The following ZNF83 variants were observed in gnomAD, a reference collection of about 807,000 sequenced individuals.
ZNF83 encodes zinc finger protein 83, also known as zinc finger protein 816B.
For synonymous variants in ZNF83, 209 were observed against 213.0 expected (o/e 0.98, Z 0.17); for missense variants, 552 against 629.9 (o/e 0.88, Z 1.32).
intron 3 of ZNF83, among the ~76,000 whole-genome samples, chr19:52,643,476 T>C (rs995924811): frequency 6.7e-6 from 1 of 149,490 alleles, no homozygotes; most frequent in Admixed American, 6.7e-5. Flanking sequence ...CTGAGGTGGG[T>C]GGATCAAGAG....
At chr19:52,620,248 GTATATC>G (rs2060487631) in intron 2 of ZNF83, among the ~76,000 whole-genome samples, 2 of 134,528 alleles carry the variant, frequency 1.5e-5, no homozygotes, top group African/African-American at 5.5e-5. Flanking sequence ...ATATGTGTGT[GTATATC>G]TGTGTGTGTA....
chr19:52,677,726 G>A (rs1465600006), intron 1 of ZNF83, among the ~76,000 whole-genome samples: 1 of 151,928 alleles, frequency 6.6e-6, no homozygotes, highest in Non-Finnish European at 1.5e-5. Flanking sequence ...TGAGTAGGTA[G>A]AGATCGGTTT....
intron 1 of ZNF83, chr19:52,637,221 C>T (rs1038230390): frequency 2.6e-5 from 4 of 152,444 alleles, no homozygotes; most frequent in Non-Finnish European, 5.9e-5. Flanking sequence ...TATATTTCCG[C>T]CTCTTCTCCC....
At chr19:52,624,560 G>C (rs1017483566) in intron 2 of ZNF83, among the ~76,000 whole-genome samples, 1 of 152,112 alleles carries the variant, frequency 6.6e-6, no homozygotes, top group Non-Finnish European at 1.5e-5. Context: ...TCGTCTTTCC[G>C]TTCCTTGAAG....
At chr19:52,687,291 A>C (rs905284905) in intron 1 of ZNF83, among the ~76,000 whole-genome samples, 2 of 144,598 alleles carry the variant, frequency 1.4e-5, no homozygotes, top group African/African-American at 5.1e-5. Context: ...GGATTTTGAG[A>C]CCAGCTTGGG....
exon 3 of ZNF83, chr19:52,613,417 CTGAATGCTT>C (rs1442977016): frequency 1.2e-6 from 2 of 1,613,704 alleles, no homozygotes; most frequent in Non-Finnish European, 1.7e-6. Context: ...TGAATTTTGA[CTGAATGCTT>C]TGTCACATTC....
At chr19:52,629,358 G>A (rs2060864347) in intron 2 of ZNF83, among the ~76,000 whole-genome samples, 1 of 151,944 alleles carries the variant, frequency 6.6e-6, no homozygotes, top group African/African-American at 2.4e-5. Context: ...TTTCCCTCCT[G>A]CCTGTTCCCT....
At chr19:52,623,256 CA>C (rs1435232223) in intron 2 of ZNF83, among the ~76,000 whole-genome samples, 2 of 152,170 alleles carry the variant, frequency 1.3e-5, no homozygotes, top group East Asian at 3.9e-4. Flanking sequence ...CCCTCTGGAC[CA>C]TCAGGGATGC....
At chr19:52,680,505 G>C (rs1300342096) in intron 1 of ZNF83, among the ~76,000 whole-genome samples, 1 of 151,308 alleles carries the variant, frequency 6.6e-6, no homozygotes, top group Non-Finnish European at 1.5e-5. Context: ...GAGAAAATAA[G>C]TACTAATTTG....
At chr19:52,639,421 T>TTC (rs1272810651), upstream of ZNF83, among the ~76,000 whole-genome samples, 2 of 140,228 alleles carry the variant, frequency 1.4e-5, no homozygotes, top group African/African-American at 2.7e-5. Flanking sequence ...TTCTATTTTT[T>TTC]TTTTTTTTTT....
intron 3 of ZNF83, chr19:52,651,683 C>CAA (rs58706352): frequency 4.3e-5 from 5 of 117,278 alleles, no homozygotes; most frequent in East Asian, 2.4e-4. Flanking sequence ...GACTCTGTCT[C>CAA]AAAAAAAAAA....
At chr19:52,618,714 C>A (rs748341039) in intron 2 of ZNF83, 79 of 875,472 alleles carry the variant, frequency 9.0e-5, no homozygotes, top group South Asian at 2.3e-4. Flanking sequence ...AGGTTTTAAG[C>A]CTTCTTTACT....
chr19:52,632,358 T>C (rs745976694), intron 2 of ZNF83, among the ~76,000 whole-genome samples: 36 of 152,310 alleles, frequency 2.4e-4, no homozygotes, highest in Non-Finnish European at 4.1e-4. Flanking sequence ...CTTTCGCTTC[T>C]CAGAATTCAG....
At chr19:52,629,460 G>C (rs1295032382) in intron 2 of ZNF83, among the ~76,000 whole-genome samples, 3 of 151,854 alleles carry the variant, frequency 2.0e-5, no homozygotes, top group Non-Finnish European at 4.4e-5. Flanking sequence ...GCTGCTCCTT[G>C]CCAGGCCGAG....
chr19:52,660,392 G>A (rs895013212), intron 2 of ZNF83, among the ~76,000 whole-genome samples: 4 of 150,416 alleles, frequency 2.7e-5, no homozygotes, highest in Admixed American at 6.6e-5. Flanking sequence ...AAACTGTCAA[G>A]GAGATTAAGT....
chr19:52,661,198 T>C (rs2061575475), intron 1 of ZNF83, among the ~76,000 whole-genome samples: 2 of 152,112 alleles, frequency 1.3e-5, no homozygotes, highest in Non-Finnish European at 2.9e-5. Context: ...ATTCCTTTCC[T>C]GTGACAAAAC....
upstream of ZNF83, among the ~76,000 whole-genome samples, chr19:52,639,984 G>A (rs376567359): frequency 3.3e-5 from 5 of 152,260 alleles, no homozygotes; most frequent in African/African-American, 1.2e-4. Context: ...AGTCCTCAGG[G>A]AAGAGGACTT....
rs1173040120 is a variant in ZNF83 at position 52,687,393 on chromosome 19, AATT to A, written c.-283+3047_-283+3049del. On this transcript the variant is annotated intron_variant, in intron 1 of 5. Coordinates refer to the ZNF83 transcript ENST00000594682. ...TATAAATTATAATTTATATATATAT[AATT>A]TATATAGCTATATAAATTATAATAT... Among the ~76,000 whole-genome samples the A allele has an allele frequency of 5.9e-3, 477 of 80,712 alleles. 188 individuals are homozygous for A. The highest frequency in any genetic ancestry group is 0.022 in the African/African-American group (446 of 20,310). 53.0% of individuals were successfully genotyped at this position (80,712 alleles called of 152,430 possible).
At chr19:52,674,076 T>G (rs1261987306) in intron 1 of ZNF83, 1 of 151,594 alleles carries the variant, frequency 6.6e-6, no homozygotes, top group East Asian at 1.9e-4. Flanking sequence ...CACCACACAT[T>G]TGCACACTCA....
Sources: allele counts gnomAD v4.1 joint callset (sites outside exome capture counted in the v4.1 genomes callset), GRCh38; gene constraint gnomAD v4.1.1; transcripts MANE v1.5; gene names NCBI Gene and HGNC (gene_info 2026-07-23, HGNC 2026-07-21).